Variants in PEPD observed in about 807,000 individuals in gnomAD.
PEPD encodes the protein peptidase D, also known as xaa-Pro dipeptidase.
A neutral mutation model predicts 60.7 loss-of-function variants in PEPD; 53 were observed. The observed-to-expected ratio is 0.87, with a 90% CI of 0.70 to 1.10. The LOEUF is 1.10. Ranked by LOEUF, PEPD falls within the 50% of genes least tolerant of loss-of-function variation. PEPD has a pLI of 0.00. For missense variants in PEPD, 711 were observed against 711.9 expected (o/e 1.00, Z 0.01); for synonymous variants, 267 against 284.1 (o/e 0.94, Z 0.60).
At chr19:33,416,692 G>A (rs934873485) in intron 9 of PEPD, among the ~76,000 whole-genome samples, 2 of 152,190 alleles carry the variant, frequency 1.3e-5, no homozygotes, top group Non-Finnish European at 2.9e-5. Context: ...TGCTGTGTGG[G>A]CCCCGTTGTT....
rs1253993583 is a variant in PEPD at position 33,387,975 on chromosome 19, T to C, written c.1259A>G (p.His420Arg). Residue 420 changes from histidine to arginine, a missense_variant, in exon 14 of 15, where the codon CAC (histidine) becomes CGC (arginine). His to Arg is a conservative substitution (Grantham distance 29, BLOSUM62 0). Coordinates refer to ENST00000244137, the MANE Select transcript of PEPD (RefSeq NM_000285.4). ...TVEPGIYFIDHLLDEALADPA... is the reference protein window; with the variant it reads ...TVEPGIYFIDRLLDEALADPA... ...GTCCGCCAGGGCCTCATCCAGGAGGTGGTCGATGAAGTAGATGCCCGGCTC... is the reference window on the plus strand; with the variant it reads ...GTCCGCCAGGGCCTCATCCAGGAGGCGGTCGATGAAGTAGATGCCCGGCTC... 6.3e-7 allele frequency: 1 copy of C among 1,594,166 alleles called. No homozygotes were observed. Among genetic ancestry groups the C allele is most frequent in the South Asian group, 1.1e-5 (1 of 87,950 alleles).
intron 13 of PEPD, among the ~76,000 whole-genome samples, chr19:33,390,677 G>A (rs934045901): frequency 6.6e-5 from 10 of 152,242 alleles, no homozygotes; most frequent in Non-Finnish European, 1.2e-4. Flanking sequence ...TTACCCTCTG[G>A]GTGGTCCTCT....
In PEPD at chr19:33,399,000, T is replaced by G. The variant is rs1054497092; in HGVS notation, c.967+2721A>C. Among the ~76,000 whole-genome samples the G allele has an allele frequency of 2.4e-4, 37 of 152,172 alleles. 1 individual carries two copies. The highest frequency in any genetic ancestry group is 2.9e-5 in the Non-Finnish European group (2 of 68,022). On this transcript the variant is annotated intron_variant, in intron 12 of 14. Transcript: ENST00000244137. ...GTGGCAGCTCCTTTTTGTTTGTTTT[T>G]TGAGACAGGGTCTCACTCCATCACC...
chr19:33,515,649 T>G (rs532329537), intron 1 of PEPD, among the ~76,000 whole-genome samples: 1 of 151,264 alleles, frequency 6.6e-6, no homozygotes, highest in East Asian at 2.0e-4. Context: ...CCCAACAGCT[T>G]AGGGGCAATG....
At chr19:33,407,818 T>C (rs1412714083) in intron 11 of PEPD, among the ~76,000 whole-genome samples, 2 of 152,212 alleles carry the variant, frequency 1.3e-5, no homozygotes, top group African/African-American at 4.8e-5. Flanking sequence ...ATGGGGCCGC[T>C]TGGCTCTGAA....
chr19:33,409,899 G>A (rs1968723797), intron 11 of PEPD, among the ~76,000 whole-genome samples: 1 of 152,258 alleles, frequency 6.6e-6, no homozygotes, highest in Non-Finnish European at 1.5e-5. Context: ...GCAGGATCAG[G>A]GCGAGGAGTG....
chr19:33,439,612 C>G (rs1288755216), intron 9 of PEPD, among the ~76,000 whole-genome samples: 3 of 152,190 alleles, frequency 2.0e-5, no homozygotes, highest in African/African-American at 7.2e-5. Context: ...CTTGGGAGCT[C>G]TCAGCAAAGG....
intron 13 of PEPD, among the ~76,000 whole-genome samples, chr19:33,391,007 C>T (rs573000284): frequency 6.6e-6 from 1 of 152,270 alleles, no homozygotes; most frequent in South Asian, 2.1e-4. Context: ...CCCCATGCAC[C>T]GTATCCTGAC....
intron 3 of PEPD, among the ~76,000 whole-genome samples, chr19:33,508,341 C>G (rs1970852660): frequency 6.6e-6 from 1 of 152,160 alleles, no homozygotes; most frequent in Admixed American, 6.5e-5. Context: ...GGCCACAACT[C>G]TGCTCTGGGT....
At chr19:33,439,139 C>A (rs1279429342) in intron 9 of PEPD, among the ~76,000 whole-genome samples, 1 of 152,246 alleles carries the variant, frequency 6.6e-6, no homozygotes. Context: ...CTTGAGACGT[C>A]ATGGACTGTT....
intron 6 of PEPD, among the ~76,000 whole-genome samples, chr19:33,487,978 A>G (rs1391865168): frequency 3.5e-4 from 53 of 151,796 alleles, no homozygotes; most frequent in Non-Finnish European, 2.9e-5. Flanking sequence ...TCCTCGGGGA[A>G]CCTCAAGGAG....
chr19:33,442,547 T>A (rs12460070), intron 9 of PEPD, among the ~76,000 whole-genome samples: 91,545 of 141,612 alleles, frequency 0.65, 29,007 homozygotes, highest in African/African-American at 0.71. Flanking sequence ...AAAAATAAAA[T>A]AAAAAAAAAA....
intron 9 of PEPD, among the ~76,000 whole-genome samples, chr19:33,416,152 C>A (rs12978742): frequency 6.6e-6 from 1 of 152,152 alleles, no homozygotes; most frequent in Non-Finnish European, 1.5e-5. Context: ...ATGCTTGATG[C>A]GGACGCAACG....
chr19:33,420,615 T>C (rs1427562248), intron 9 of PEPD, among the ~76,000 whole-genome samples: 1 of 151,924 alleles, frequency 6.6e-6, no homozygotes, highest in Non-Finnish European at 1.5e-5. Flanking sequence ...GACAGGAGAA[T>C]TGCTTGAACC....
At chr19:33,503,298 C>G (rs2145338711) in intron 3 of PEPD, among the ~76,000 whole-genome samples, 1 of 152,352 alleles carries the variant, frequency 6.6e-6, no homozygotes. Context: ...GTGCAGCCCA[C>G]AATGCCCTTT....
intron 9 of PEPD, among the ~76,000 whole-genome samples, chr19:33,458,706 T>C (rs1969867041): frequency 4.2e-5 from 2 of 47,186 alleles, no homozygotes; most frequent in African/African-American, 7.8e-5. Flanking sequence ...GTGTGTGGTA[T>C]GTGGCATGTG....
chr19:33,461,075 G>A (rs1394492680), intron 9 of PEPD, among the ~76,000 whole-genome samples: 2 of 152,230 alleles, frequency 1.3e-5, no homozygotes, highest in Admixed American at 1.3e-4. Flanking sequence ...ACATGAAGGA[G>A]TTACGGTTCG....
chr19:33,421,822 G>A (rs1357807467), intron 9 of PEPD, among the ~76,000 whole-genome samples: 1 of 152,042 alleles, frequency 6.6e-6, no homozygotes, highest in Non-Finnish European at 1.5e-5. Flanking sequence ...CTGTCACTAT[G>A]TCCAGAATCT....
chr19:33,450,403 G>A (rs142415975), intron 9 of PEPD, among the ~76,000 whole-genome samples: 67 of 152,324 alleles, frequency 4.4e-4, no homozygotes, highest in African/African-American at 1.6e-3. Flanking sequence ...TCCAGGGCAA[G>A]AAAATGAAAA....
Sources: gnomAD v4.1 joint callset for allele counts (sites outside exome capture counted in the v4.1 genomes callset) on GRCh38, gnomAD v4.1.1 for gene constraint, MANE v1.5 for transcripts, NCBI Gene and HGNC (gene_info 2026-07-23, HGNC 2026-07-21) for gene names.